Variants in ADGRL3 observed in about 807,000 individuals in gnomAD.
ADGRL3 encodes the protein calcium-independent alpha-latrotoxin receptor 3.
ADGRL3 carries 62 observed loss-of-function variants against 153.5 expected under a neutral mutation model. The ratio of observed to expected loss-of-function variants is 0.40; its 90% CI spans 0.33 to 0.50. The LOEUF (loss-of-function observed/expected upper bound fraction) is 0.50, where lower values mean the gene tolerates loss of function less well. Among genes scored for constraint, ADGRL3 ranks in the 20% least tolerant of loss-of-function variants. The pLI is 0.47. For missense variants in ADGRL3, 1,641 were observed against 1,859.4 expected (o/e 0.88, Z 2.16); for synonymous variants, 710 against 672.5 (o/e 1.06, Z -0.86).
chr4:61,433,442 T>C (rs1345394542), intron 2 of ADGRL3, among the ~76,000 whole-genome samples: 1 of 152,066 alleles, frequency 6.6e-6, no homozygotes, highest in Non-Finnish European at 1.5e-5. Context: ...CACTTTACAG[T>C]CTCACCTTAC....
chr4:61,442,874 G>A (rs1293667572), intron 2 of ADGRL3, among the ~76,000 whole-genome samples: 1 of 152,166 alleles, frequency 6.6e-6, no homozygotes, highest in Non-Finnish European at 1.5e-5. Context: ...TCCAAGCATG[G>A]AAGGCTTTTG....
At chr4:61,726,673 C>T (rs112829988) in intron 6 of ADGRL3, among the ~76,000 whole-genome samples, 4,089 of 152,032 alleles carry the variant, frequency 0.027, 207 homozygotes, top group African/African-American at 0.093. Flanking sequence ...TAAGGGTACC[C>T]AAATGTATTT....
chr4:61,569,804 A>G (rs1158393366), intron 4 of ADGRL3, among the ~76,000 whole-genome samples: 1 of 152,122 alleles, frequency 6.6e-6, no homozygotes, highest in Non-Finnish European at 1.5e-5. Context: ...TGAAAGTCAT[A>G]TAACATAAGA....
At position 61,824,298 on chromosome 4, in the gene ADGRL3, T is replaced by C. The variant is rs982376236; in HGVS notation, c.1480+10409T>C. Reference sequence around the variant, plus strand: ...TTTGTTCTAGTGCCACCCTTTACCTTTTACTGTTTTCATAAACATGTACGC... The same window carrying C: ...TTTGTTCTAGTGCCACCCTTTACCTCTTACTGTTTTCATAAACATGTACGC... On this transcript the variant is annotated intron_variant, in intron 9 of 26. Transcript: ENST00000683033. 4.6e-5 allele frequency among the ~76,000 whole-genome samples: 7 copies of C among 152,264 alleles called. No homozygotes were observed. In the South Asian group the frequency reaches 1.5e-3, roughly 32 times the overall value.
At chr4:61,983,710 C>T in intron 19 of ADGRL3, 107 bp downstream of exon 19, 3 of 929,426 alleles carry the variant, frequency 3.2e-6, no homozygotes, top group Non-Finnish European at 5.0e-6. Flanking sequence ...AACTGGGCAG[C>T]AAATGTGTAT....
At chr4:61,801,866 C>T (rs185992995) in intron 8 of ADGRL3, among the ~76,000 whole-genome samples, 1 of 152,050 alleles carries the variant, frequency 6.6e-6, no homozygotes, top group African/African-American at 2.4e-5. Flanking sequence ...CTCCTTAATG[C>T]TTTAGTAATT....
At chr4:61,370,580 C>T (rs565518534) in intron 1 of ADGRL3, among the ~76,000 whole-genome samples, 169 of 152,190 alleles carry the variant, frequency 1.1e-3, no homozygotes, top group African/African-American at 3.9e-3. Context: ...TTTGATTGCA[C>T]TGTGGTCTGA....
At chr4:61,424,561 C>T (rs1251835099) in intron 2 of ADGRL3, among the ~76,000 whole-genome samples, 1 of 152,194 alleles carries the variant, frequency 6.6e-6, no homozygotes. Context: ...CTGCTTCAAC[C>T]TCCTGTGCCA....
At chr4:61,746,401 T>C (rs987255819) in intron 8 of ADGRL3, among the ~76,000 whole-genome samples, 1 of 152,110 alleles carries the variant, frequency 6.6e-6, no homozygotes, top group African/African-American at 2.4e-5. Flanking sequence ...CAACAGAATA[T>C]ACATTTTTTT....
intron 8 of ADGRL3, among the ~76,000 whole-genome samples, chr4:61,779,947 GT>G (rs2097195535): frequency 6.6e-6 from 1 of 152,100 alleles, no homozygotes; most frequent in African/African-American, 2.4e-5. Context: ...GCCCTAAGAT[GT>G]GTTGATTCAG....
chr4:61,969,397 C>G (rs2099018668), intron 17 of ADGRL3, among the ~76,000 whole-genome samples: 1 of 152,032 alleles, frequency 6.6e-6, no homozygotes, highest in Non-Finnish European at 1.5e-5. Context: ...TTCATATGAC[C>G]TTCTGTCTAG....
At chr4:61,529,904 G>T (rs1389035021) in intron 4 of ADGRL3, among the ~76,000 whole-genome samples, 1 of 152,100 alleles carries the variant, frequency 6.6e-6, no homozygotes, top group Non-Finnish European at 1.5e-5. Context: ...CTTTAGAATT[G>T]AATATGTTAA....
At position 61,780,097 on chromosome 4, in the gene ADGRL3, G is replaced by T. The variant is rs933337625; in HGVS notation, c.1400-33712G>T. On this transcript the variant is annotated intron_variant, in intron 8 of 26. Coordinates refer to ENST00000683033, the MANE Select transcript of ADGRL3 (RefSeq NM_001387552.1). ...AAGTGTATTAATCTATTAAGAAGCT[G>T]TGGAGCAATATATATATACTACCTT... Among the ~76,000 whole-genome samples the T allele has an allele frequency of 7.9e-5, 12 of 152,342 alleles. No individual in the cohort carries two copies. In the South Asian group the frequency reaches 2.3e-3, roughly 29 times the overall value.
At chr4:61,899,676 C>A (rs6551667) in intron 11 of ADGRL3, among the ~76,000 whole-genome samples, 37,125 of 152,042 alleles carry the variant, frequency 0.24, 5,115 homozygotes, top group East Asian at 0.44. Context: ...ACAAACAAAC[C>A]AACCATAGAC....
chr4:61,763,614 C>A (rs1193811707), intron 8 of ADGRL3, among the ~76,000 whole-genome samples: 1 of 151,830 alleles, frequency 6.6e-6, no homozygotes, highest in African/African-American at 2.4e-5. Context: ...ATTAACATAC[C>A]CAAATATATT....
In ADGRL3 at chr4:61,729,907, G is replaced by C. The variant is rs567904394; in HGVS notation, c.584-715G>C. The stretch of plus-strand genomic sequence containing the variant: ...TGACTCTGTTAAGAATTTCAGAAAA[G>C]ACCAGAGCCAGTGGCTCATTATTTT... On this transcript the variant is annotated intron_variant, in intron 6 of 26. Coordinates refer to ENST00000683033, the MANE Select transcript of ADGRL3 (RefSeq NM_001387552.1). Among the ~76,000 whole-genome samples, 117 of 152,084 alleles carry C rather than the reference G, an allele frequency of 7.7e-4. 1 individual carries two copies. The highest frequency in any genetic ancestry group is 2.2e-3 in the Admixed American group (34 of 15,260).
chr4:62,052,381 T>C (rs150664782), intron 25 of ADGRL3, among the ~76,000 whole-genome samples: 3 of 151,596 alleles, frequency 2.0e-5, no homozygotes, highest in Non-Finnish European at 4.4e-5. Context: ...CTAAAATTCC[T>C]TCCTGTACTA....
At chr4:61,511,460 T>C (rs190267447) in intron 3 of ADGRL3, among the ~76,000 whole-genome samples, 26 of 152,320 alleles carry the variant, frequency 1.7e-4, no homozygotes, top group African/African-American at 6.3e-4. Context: ...CTAGGAACTT[T>C]CTCCTGCCTT....
At chr4:61,265,873 G>A (rs2092816056) in intron 1 of ADGRL3, among the ~76,000 whole-genome samples, 1 of 151,718 alleles carries the variant, frequency 6.6e-6, no homozygotes, top group Admixed American at 6.6e-5. Context: ...TTTGCATTTT[G>A]GAATTTGTCT....
Sources: allele counts gnomAD v4.1 joint callset (sites outside exome capture counted in the v4.1 genomes callset), GRCh38; gene constraint gnomAD v4.1.1; transcripts MANE v1.5; gene names NCBI Gene and HGNC (gene_info 2026-07-23, HGNC 2026-07-21).